The following NOS3 variants were observed in gnomAD, a reference collection of about 807,000 sequenced individuals.
The protein encoded by NOS3 is NOS type III.
Under a neutral mutation model 144.9 loss-of-function variants are expected in NOS3, and 98 were observed. That is an observed-to-expected ratio of 0.68 (90% CI 0.57 to 0.80). The LOEUF is 0.80. Among genes scored for constraint, NOS3 ranks in the 30% least tolerant of loss-of-function variants. The pLI, the probability that NOS3 is intolerant of heterozygous loss-of-function variation, is 0.00. For missense variants in NOS3, 1,465 were observed against 1,656.4 expected (o/e 0.88, Z 2.01); for synonymous variants, 714 against 702.4 (o/e 1.02, Z -0.26).
chr7:150,995,116 T>TGG, intron 2 of NOS3, 87 bp from the exon 3 acceptor site: 1 of 694,832 alleles, frequency 1.4e-6, no homozygotes, highest in Non-Finnish European at 2.5e-6. Context: ...AGATCGCCAG[T>TGG]GCTGTAACAG....
rs1373629376 is a variant in NOS3, at chr7:151,006,886, C to G, written c.1821-3C>G. 1 of 1,611,226 alleles carries G rather than the reference C, an allele frequency of 6.2e-7. No individual in the cohort carries two copies. The highest frequency in any genetic ancestry group is 1.7e-5 in the Admixed American group (1 of 60,030). ...CAACCTTGTCTTTGTCCTCTCTTGC[C>G]AGGAGTTATAAGATCCGCTTCAACA... On this transcript the variant is annotated splice_polypyrimidine_tract_variant and splice_region_variant and intron_variant, in intron 15 of 26. Coordinates refer to ENST00000297494, the MANE Select transcript of NOS3 (RefSeq NM_000603.5).
chr7:151,012,365 G>A lies in NOS3; in HGVS notation c.2999G>A (p.Arg1000Gln), dbSNP rs151262456. Reference protein sequence around the residue: ...PCFIRGAPSFRLPPDPSLPCI... With the variant: ...PCFIRGAPSFQLPPDPSLPCI... ...TCTCCTGCCAGGGCTCCCTCCTTCC[G>A]GCTGCCACCCGATCCCAGCTTGCCC... Residue 1000 changes from arginine to glutamine, a missense_variant, in exon 24 of 27, where the codon CGG becomes CAG. By Grantham distance (43) the Arg-to-Gln change is conservative. Around this residue, in one of 5 missense-constraint regions of NOS3, gnomAD observed 106 missense variants for 167.7 expected, o/e 0.63. Coordinates refer to ENST00000297494, the MANE Select transcript of NOS3 (RefSeq NM_000603.5). 1,265 of 1,570,510 alleles carry A rather than the reference G, an allele frequency of 8.1e-4. No homozygotes were observed. The highest frequency in any genetic ancestry group is 1.0e-3 in the Non-Finnish European group (1,165 of 1,157,286).
chr7:151,001,811 T>C lies in NOS3; in HGVS notation c.1503-10T>C. 1 of 1,613,432 alleles carries C rather than the reference T, an allele frequency of 6.2e-7. No individual in the cohort carries two copies. The highest frequency in any genetic ancestry group is 8.5e-7 in the Non-Finnish European group (1 of 1,179,962). ...CACCCAGGACACCCTCACACCTTCC[T>C]CTCCCGCAGCGCCGTGAAGATCTCC... On this transcript the variant is annotated splice_polypyrimidine_tract_variant and intron_variant, in intron 12 of 26. Coordinates refer to ENST00000297494, the MANE Select transcript of NOS3 (RefSeq NM_000603.5).
chr7:151,000,453 T>C lies in NOS3; in HGVS notation c.1132-45T>C, dbSNP rs527718720. The C allele has an allele frequency of 1.2e-5, 15 of 1,226,410 alleles. No homozygotes were observed. In the South Asian group the frequency reaches 1.7e-4, roughly 14 times the overall value. 76.0% of individuals were successfully genotyped at this position (1,226,410 alleles called of 1,614,324 possible). On this transcript the variant is annotated intron_variant, in intron 9 of 26. Coordinates refer to ENST00000297494, the MANE Select transcript of NOS3 (RefSeq NM_000603.5). ...AGATAGTCTCCCCACCCCACCCCCG[T>C]GATCACCTCTGTCCCTACCGATGCC...
At chr7:151,007,871 G>A (rs768605011) in intron 17 of NOS3, among the ~76,000 whole-genome samples, 4 of 151,966 alleles carry the variant, frequency 2.6e-5, no homozygotes, top group Admixed American at 1.3e-4. Flanking sequence ...CAAGGGCTCG[G>A]TCTCCCCAGT....
At chr7:151,006,345 G>A (rs1246540418) in intron 14 of NOS3, 82 bp from the exon 15 acceptor site, 4 of 928,422 alleles carry the variant, frequency 4.3e-6, no homozygotes, top group Non-Finnish European at 5.2e-6. Flanking sequence ...ATAATAATGA[G>A]GATCAGCTGG....
Position 151,010,811 on chromosome 7 carries a change from A to G in NOS3, c.2896+4A>G, listed in dbSNP as rs1262902081. ...GTGCTGGCATACAGGACTCAGGGTG[A>G]GGCAACAAGCAGGAGCAGGCCTGGC... On this transcript the variant is annotated splice_donor_region_variant and intron_variant, in intron 22 of 26. Transcript: ENST00000297494. 18 of 1,609,900 alleles carry G rather than the reference A, an allele frequency of 1.1e-5. No homozygotes were observed. Among genetic ancestry groups the G allele is most frequent in the Non-Finnish European group, 1.5e-5 (18 of 1,178,148 alleles).
At chr7:151,001,799 C>G (rs1229804154) in intron 12 of NOS3, 22 bp from the exon 13 acceptor site, 1 of 1,613,290 alleles carries the variant, frequency 6.2e-7, no homozygotes, top group African/African-American at 1.3e-5. Context: ...CCAGGACACC[C>G]TCACACCTTC....
At position 150,998,338 on chromosome 7, in the gene NOS3, G is replaced by A. The variant is rs758903307; in HGVS notation, c.583-19G>A. The A allele has an allele frequency of 4.4e-5, 71 of 1,607,246 alleles. No individual in the cohort carries two copies. The highest frequency in any genetic ancestry group is 6.7e-5 in the African/African-American group (5 of 74,838). ...GTCTCTCTCCTCACCCTCCTCTCCC[G>A]CTGCCTCGGCTGGCTCAGGTGTTCG... On this transcript the variant is annotated intron_variant, in intron 5 of 26. Transcript: ENST00000297494. The surrounding 1 kb of genome is among the most constrained non-coding windows in gnomAD (Gnocchi z 5.0).
At chr7:150,995,462 A>T in intron 3 of NOS3, 148 bp downstream of exon 3, 1 of 587,676 alleles carries the variant, frequency 1.7e-6, no homozygotes, top group Non-Finnish European at 3.0e-6. Context: ...GAACCAGAGG[A>T]GTTGAGGGAC....
chr7:150,998,865 G>C lies in NOS3; in HGVS notation c.817-81G>C. The C allele has an allele frequency of 6.5e-7, 1 of 1,536,636 alleles. No homozygotes were observed. The highest frequency in any genetic ancestry group is 8.8e-7 in the Non-Finnish European group (1 of 1,137,272). On this transcript the variant is annotated intron_variant, in intron 7 of 26. Coordinates refer to ENST00000297494, the MANE Select transcript of NOS3 (RefSeq NM_000603.5). The surrounding 1 kb of genome is among the most constrained non-coding windows in gnomAD (Gnocchi z 5.0). ...GCCAATGAGGGACCCTGGAGATGAA[G>C]GCAGGAGACAGTGGATGGAGGGGTC...
At position 151,003,575 on chromosome 7, in the gene NOS3, C is replaced by A; in HGVS notation, c.1752+1271C>A. 1 of 1,293,816 alleles carries A rather than the reference C, an allele frequency of 7.7e-7. No homozygotes were observed. The highest frequency in any genetic ancestry group is 1.0e-6 in the Non-Finnish European group (1 of 978,866). 80.1% of individuals were successfully genotyped at this position (1,293,816 alleles called of 1,614,324 possible). On this transcript the variant is annotated intron_variant, in intron 14 of 26. Transcript: ENST00000297494. The surrounding 1 kb of genome is among the most constrained non-coding windows in gnomAD (Gnocchi z 4.1). ...TAAAGGTGTATAGACACCCATATAACCTACAGCCTTCACAAGGCATAGCAC... is the reference window on the plus strand; with the variant it reads ...TAAAGGTGTATAGACACCCATATAAACTACAGCCTTCACAAGGCATAGCAC...
In NOS3 at chr7:151,014,187, C is replaced by A; in HGVS notation, c.*18C>A. The A allele has an allele frequency of 6.3e-7, 1 of 1,587,624 alleles. No homozygotes were observed. Among genetic ancestry groups the A allele is most frequent in the East Asian group, 2.3e-5 (1 of 44,122 alleles). On this transcript the variant is annotated 3_prime_UTR_variant, in exon 27 of 27. Coordinates refer to ENST00000297494, the MANE Select transcript of NOS3 (RefSeq NM_000603.5). ...GCCCCTGAGAGCCGCCTGGCTTTCC[C>A]TTCCAGTTCCGGGAGAGCGGCTGCC...
intron 24 of NOS3, 43 bp from the exon 25 acceptor site, chr7:151,013,188 G>A (rs1795344246): frequency 1.9e-6 from 3 of 1,587,908 alleles, no homozygotes; most frequent in African/African-American, 2.7e-5. Flanking sequence ...CACTAGCACT[G>A]TGCCCCGGAG....
chr7:151,004,812 C>T (rs1372743888), intron 14 of NOS3, among the ~76,000 whole-genome samples: 3 of 152,030 alleles, frequency 2.0e-5, no homozygotes, highest in Non-Finnish European at 4.4e-5. Flanking sequence ...GAAGAAGGCA[C>T]GAAGTTGGCT....
intron 25 of NOS3, 141 bp downstream of exon 25, chr7:151,013,520 C>T: frequency 3.3e-6 from 4 of 1,210,850 alleles, no homozygotes; most frequent in Non-Finnish European, 4.5e-6. Context: ...TCTGGCCCAC[C>T]CTTGTGCCCC....
chr7:150,995,308 G>A lies in NOS3; in HGVS notation c.264G>A (p.Ala88=), dbSNP rs757296609. The A allele has an allele frequency of 3.7e-5, 59 of 1,608,766 alleles. No individual in the cohort carries two copies. Among genetic ancestry groups the A allele is most frequent in the Middle Eastern group, 1.6e-4 (1 of 6,074 alleles). Residue 88 remains alanine, a synonymous_variant, in exon 3 of 27, where the codon GCG becomes GCA. Transcript: ENST00000297494. The part of the protein sequence containing the change: ...SITYDTLSAQ[A]QQDGPCTPRR... The stretch of plus-strand genomic sequence containing the variant: ...CCTATGACACCCTCAGCGCCCAGGC[G>A]CAGCAGGTAAGGCCGGCATGCCCTG...
Position 150,999,802 on chromosome 7 carries a change from A to G in NOS3, c.1131+438A>G, listed in dbSNP as rs548186450. Among the ~76,000 whole-genome samples, 13 of 69,634 alleles carry G rather than the reference A, an allele frequency of 1.9e-4. 1 individual carries two copies. The highest frequency in any genetic ancestry group is 4.0e-4 in the African/African-American group (7 of 17,614). 45.7% of individuals were successfully genotyped at this position (69,634 alleles called of 152,430 possible). On this transcript the variant is annotated intron_variant, in intron 9 of 26. Transcript: ENST00000297494. ...TAGGGGTGAGTGTGTGTGGGTTTGT[A>G]GGGGTAGGCGAGTGTGGGTTTGTGG...
intron 15 of NOS3, 48 bp downstream of exon 15, chr7:151,006,542 G>T (rs1452923399): frequency 6.7e-7 from 1 of 1,488,918 alleles, no homozygotes; most frequent in Non-Finnish European, 9.3e-7. Flanking sequence ...GATGCATTTG[G>T]AGACACAAAC....
Sources: gnomAD v4.1 joint callset for allele counts (sites outside exome capture counted in the v4.1 genomes callset) on GRCh38, gnomAD v4.1.1 for gene constraint, gnomAD v4.1.1 regional missense constraint, Gnocchi (gnomAD v3.1) non-coding constraint, MANE v1.5 for transcripts, NCBI Gene and HGNC (gene_info 2026-07-23, HGNC 2026-07-21) for gene names.